The following UBR1 variants were observed in gnomAD, a reference collection of about 807,000 sequenced individuals.
The protein encoded by UBR1 is E3 ubiquitin-protein ligase UBR1.
Under a neutral mutation model 242.1 loss-of-function variants are expected in UBR1, and 102 were observed. The observed-to-expected ratio is 0.42, with a 90% CI of 0.36 to 0.50. The LOEUF is 0.50. Ranked by LOEUF, UBR1 falls within the 20% of genes least tolerant of loss-of-function variation. The pLI, the probability that UBR1 is intolerant of heterozygous loss-of-function variation, is 0.01. For missense variants in UBR1, 1,772 were observed against 2,101.8 expected (o/e 0.84, Z 3.07); for synonymous variants, 675 against 684.8 (o/e 0.99, Z 0.22).
At chr15:42,947,615 T>A (rs541619914) in intron 46 of UBR1, among the ~76,000 whole-genome samples, 1 of 152,218 alleles carries the variant, frequency 6.6e-6, no homozygotes, top group Admixed American at 6.5e-5. Context: ...TGTACAAAAA[T>A]CACCAGCATT....
rs1225011799 is a variant in UBR1, at chr15:43,106,010, C to A, written c.13G>T (p.Glu5Ter). MADE[E>*]AGGTERMEIS... ...TCCATCCTCTCAGTACCTCCAGCCT[C>A]CTCGTCCGCCATCTTGAGGGAAACT... is the stretch of plus-strand genomic sequence containing the variant. Residue 5 changes from glutamate (E) to a stop codon, truncating the protein, a stop_gained, in exon 1 of 47, where the codon GAG (glutamate) becomes TAG (stop). Transcript: ENST00000290650. LOFTEE classifies it high-confidence loss of function. 1 of 1,612,958 alleles carries A rather than the reference C, an allele frequency of 6.2e-7. No individual in the cohort carries two copies. Among genetic ancestry groups the A allele is most frequent in the South Asian group, 1.1e-5 (1 of 90,862 alleles).
At chr15:43,020,821 G>A (rs1257116573) in intron 27 of UBR1, among the ~76,000 whole-genome samples, 2 of 152,164 alleles carry the variant, frequency 1.3e-5, no homozygotes, top group Admixed American at 6.5e-5. Context: ...ACTCTTCTAA[G>A]ACTGACTCCA....
chr15:43,003,546 A>G (rs2032758907), intron 31 of UBR1, among the ~76,000 whole-genome samples: 1 of 152,194 alleles, frequency 6.6e-6, no homozygotes, highest in Admixed American at 6.5e-5. Flanking sequence ...GTGAGCCACC[A>G]CGCCCGGCCA....
At chr15:43,055,424 CAG>C (rs1008352657) in intron 11 of UBR1, among the ~76,000 whole-genome samples, 1 of 151,666 alleles carries the variant, frequency 6.6e-6, no homozygotes, top group African/African-American at 2.4e-5. Flanking sequence ...GCCTGAGTGA[CAG>C]AGAGAGACTT....
At chr15:43,017,809 CAAA>C (rs879790661) in intron 27 of UBR1, among the ~76,000 whole-genome samples, 1 of 110,678 alleles carries the variant, frequency 9.0e-6, no homozygotes. Flanking sequence ...GACCCTGTCT[CAAA>C]AAAAAAAAAA....
At position 43,048,460 on chromosome 15, in the gene UBR1, T is replaced by C; in HGVS notation, c.1471A>G (p.Thr491Ala). ...YILISKPTIW[T>A]ERLRMQFLEG... ...AGGAACTGCATTCTTAATCTTTCTG[T>C]CCATATTGTGGGTTTGCTGATCAGG... Residue 491 changes from threonine to alanine, a missense_variant, in exon 13 of 47, where the codon ACA becomes GCA. Thr to Ala is a moderately conservative substitution (Grantham distance 58). Around this residue, in one of 3 missense-constraint regions of UBR1, gnomAD observed 734 missense variants for 893.3 expected, o/e 0.82. Transcript: ENST00000290650. 6.2e-7 allele frequency: 1 copy of C among 1,613,782 alleles called. No homozygotes were observed. Among genetic ancestry groups the C allele is most frequent in the South Asian group, 1.1e-5 (1 of 91,070 alleles).
At chr15:43,064,225 T>C (rs1454687939) in intron 6 of UBR1, among the ~76,000 whole-genome samples, 4 of 152,152 alleles carry the variant, frequency 2.6e-5, no homozygotes, top group African/African-American at 2.4e-5. Context: ...GAGAAGGAAA[T>C]AGAGCTTGAT....
In UBR1 at chr15:43,075,020, A is replaced by C; in HGVS notation, c.487T>G (p.Cys163Gly). ...DTEAWKTGPF[C>G]VNHEPGRAGT... ...GCTCTTCCAGGTTCATGATTTACAC[A>C]AAAAGGGCCAGTTTTCCATGCCTCT... is the stretch of plus-strand genomic sequence containing the variant. The change falls in exon 4 of 47, where the codon TGT (cysteine) becomes GGT (glycine). Residue 163 changes from cysteine (C) to glycine (G), a missense_variant. Cys to Gly is a radical substitution (Grantham distance 159). Around this residue, in one of 3 missense-constraint regions of UBR1, gnomAD observed 734 missense variants for 893.3 expected, o/e 0.82. Coordinates refer to ENST00000290650, the MANE Select transcript of UBR1 (RefSeq NM_174916.3). The C allele has an allele frequency of 6.2e-7, 1 of 1,614,092 alleles. No individual in the cohort carries two copies. Among genetic ancestry groups the C allele is most frequent in the Non-Finnish European group, 8.5e-7 (1 of 1,179,962 alleles).
At position 42,976,691 on chromosome 15, in the gene UBR1, A is replaced by G. The variant is rs775349476; in HGVS notation, c.4369+26T>C. 6.8e-6 allele frequency: 11 copies of G among 1,613,618 alleles called. No individual in the cohort carries two copies. In the East Asian group the frequency reaches 2.2e-4, roughly 33 times the overall value. ...TAAAGCATGGCAAAATGTTATTCAC[A>G]GTCAACACCCAGATGAAAACCTTAC... On this transcript the variant is annotated intron_variant, in intron 39 of 46. Transcript: ENST00000290650.
In UBR1 at chr15:43,075,066, C is replaced by A; in HGVS notation, c.441G>T (p.Gly147=). The A allele has an allele frequency of 1.2e-6, 2 of 1,613,886 alleles. No homozygotes were observed. Among genetic ancestry groups the A allele is most frequent in the Non-Finnish European group, 1.7e-6 (2 of 1,179,842 alleles). Reference sequence around the variant, plus strand: ...CCTCTGTGTCTCCACAGTCACAGAACCCTCCTCCAGTAGAAGTATGCATCT... The same window carrying A: ...CCTCTGTGTCTCCACAGTCACAGAAACCTCCTCCAGTAGAAGTATGCATCT... The part of the protein sequence containing the change: ...RYKMHTSTGG[G]FCDCGDTEAW... The change falls in exon 4 of 47, where the codon GGG becomes GGT. Residue 147 remains glycine, a synonymous_variant. Coordinates refer to ENST00000290650, the MANE Select transcript of UBR1 (RefSeq NM_174916.3).
At chr15:42,965,360 A>G (rs1296888427) in intron 41 of UBR1, among the ~76,000 whole-genome samples, 4 of 152,208 alleles carry the variant, frequency 2.6e-5, no homozygotes, top group African/African-American at 9.6e-5. Flanking sequence ...ATTTAGAGGC[A>G]AGTAAATGAG....
In UBR1 at chr15:43,086,061, T is replaced by G; in HGVS notation, c.261A>C (p.Leu87Phe). 1.2e-6 allele frequency: 2 copies of G among 1,614,180 alleles called. No homozygotes were observed. The highest frequency in any genetic ancestry group is 1.7e-6 in the Non-Finnish European group (2 of 1,180,026). ...ATGCTCCACTGTGCTTCAATTTCTC[T>G]AAGCAAATATCTGGATCTTCTCCAA... ...YLFGEDPDIC[L>F]EKLKHSGAFQ... The change falls in exon 2 of 47, where the codon TTA becomes TTC. Residue 87 changes from leucine to phenylalanine, a missense_variant. By Grantham distance (22) the Leu-to-Phe change is conservative (BLOSUM62 0). Transcript: ENST00000290650.
chr15:42,984,720 A>G (rs2032432793), intron 36 of UBR1, among the ~76,000 whole-genome samples, 167 bp downstream of exon 36: 1 of 152,240 alleles, frequency 6.6e-6, no homozygotes, highest in South Asian at 2.1e-4. Context: ...TAAAGTGCAC[A>G]TGCTATTCAG....
At chr15:42,966,090 C>T (rs1713924891) in intron 41 of UBR1, 63 bp downstream of exon 41, 2 of 1,610,930 alleles carry the variant, frequency 1.2e-6, no homozygotes, top group Admixed American at 3.3e-5. Context: ...TATTCATGAG[C>T]TTGAAGGTAA....
rs1042166926 is a variant in UBR1 at position 42,983,954 on chromosome 15, G to A, written c.4093C>T (p.Gln1365Ter). 22 of 1,613,176 alleles carry A rather than the reference G, an allele frequency of 1.4e-5. No homozygotes were observed. Among genetic ancestry groups the A allele is most frequent in the African/African-American group, 4.0e-5 (3 of 74,864 alleles). ...LKALMQFAVAQRITCPQVLIQ... is the reference protein window; with the variant it reads ...LKALMQFAVA ...AGGACCTGAGGACAGGTAATCCTCT[G>A]TGCAACTGCAAACTGCATTAATGCT... The change falls in exon 37 of 47, where the codon CAG becomes TAG. Residue 1365 changes from glutamine (Q) to a stop codon, truncating the protein, a stop_gained. Transcript: ENST00000290650. LOFTEE classifies it high-confidence loss of function.
intron 29 of UBR1, among the ~76,000 whole-genome samples, chr15:43,013,800 G>A (rs79671585): frequency 0.015 from 2,340 of 152,216 alleles, 32 homozygotes; most frequent in Non-Finnish European, 0.026. Flanking sequence ...ATCCATTTTG[G>A]AAAAGCAAAA....
At chr15:42,968,786 TGTTA>T (rs1300903328) in intron 40 of UBR1, among the ~76,000 whole-genome samples, 1 of 152,088 alleles carries the variant, frequency 6.6e-6, no homozygotes, top group Non-Finnish European at 1.5e-5. Context: ...TCTGTTCCTG[TGTTA>T]GTTTGCTGAG....
chr15:43,068,335 C>T (rs757914436), intron 5 of UBR1, among the ~76,000 whole-genome samples: 4 of 151,730 alleles, frequency 2.6e-5, no homozygotes, highest in South Asian at 4.2e-4. Flanking sequence ...ACTGCAGGCA[C>T]GTGTCACCAC....
intron 37 of UBR1, among the ~76,000 whole-genome samples, chr15:42,978,843 C>G (rs1343891857): frequency 2.0e-5 from 3 of 148,360 alleles, no homozygotes; most frequent in African/African-American, 7.5e-5. Flanking sequence ...ATTCTTGTGT[C>G]TCAGCCTCCT....
Sources: allele counts gnomAD v4.1 joint callset (sites outside exome capture counted in the v4.1 genomes callset), GRCh38; gene constraint gnomAD v4.1.1; regional missense constraint gnomAD v4.1.1; transcripts MANE v1.5; gene names NCBI Gene and HGNC (gene_info 2026-07-23, HGNC 2026-07-21).